The following SLC25A20 variants were observed in gnomAD, a reference collection of about 807,000 sequenced individuals.
The protein encoded by SLC25A20 is solute carrier family 25 member 20.
A neutral mutation model predicts 39.7 loss-of-function variants in SLC25A20; 29 were observed. The observed-to-expected ratio is 0.73, with a 90% confidence interval of 0.54 to 1.00. The LOEUF (loss-of-function observed/expected upper bound fraction) is 1.00, where lower values mean the gene tolerates loss of function less well. Ranked by LOEUF, SLC25A20 falls within the 50% of genes least tolerant of loss-of-function variation. The probability of loss-of-function intolerance (pLI) is 0.00; values close to 1 mark genes in which losing one functional copy is unlikely to be tolerated. For synonymous variants in SLC25A20, 103 were observed against 142.2 expected, an observed-to-expected ratio of 0.72 and a Z score of 1.96; for missense variants, 333 against 379.9, an observed-to-expected ratio of 0.88 and a Z score of 1.03.
At position 48,898,758 on chromosome 3, in the gene SLC25A20, T is replaced by C; in HGVS notation, c.37A>G (p.Asn13Asp). Residue 13 changes from asparagine (N) to aspartate (D), a missense_variant, in exon 1 of 9, where the codon AAC (asparagine) becomes GAC (aspartate). Transcript: ENST00000319017. ...DQPKPISPLK[N>D]LLAGGFGGVC... is the part of the protein sequence containing the mutation. ...CCGCCAAAGCCGCCGGCCAGCAGGT[T>C]CTTGAGCGGGCTGATGGGTTTTGGC... 5.0e-6 allele frequency: 8 copies of C among 1,604,872 alleles called. No homozygotes were observed. The highest frequency in any genetic ancestry group is 6.8e-6 in the Non-Finnish European group (8 of 1,176,180).
intron 2 of SLC25A20, among the ~76,000 whole-genome samples, chr3:48,889,231 T>A (rs754356062): frequency 5.9e-5 from 9 of 151,514 alleles, no homozygotes; most frequent in Admixed American, 2.6e-4. Context: ...TTGCCCAGGC[T>A]GGAGTGCAAT....
At chr3:48,873,054 T>C (rs1281513650) in intron 4 of SLC25A20, among the ~76,000 whole-genome samples, 3 of 151,116 alleles carry the variant, frequency 2.0e-5, no homozygotes, top group Non-Finnish European at 4.4e-5. Context: ...TAAAACCCTG[T>C]CTCTACTAAA....
intron 2 of SLC25A20, among the ~76,000 whole-genome samples, chr3:48,888,338 G>A (rs563888600): frequency 2.0e-5 from 3 of 151,876 alleles, no homozygotes; most frequent in Non-Finnish European, 2.9e-5. Context: ...TTGGGAGGCT[G>A]AGGCGGGCAG....
At chr3:48,859,289 C>A (rs575441673) in intron 6 of SLC25A20, 88 bp from the exon 7 acceptor site, 1 of 1,231,784 alleles carries the variant, frequency 8.1e-7, no homozygotes, top group African/African-American at 1.5e-5. Context: ...AGGGCAGTTA[C>A]AGACAGGCAG....
intron 2 of SLC25A20, among the ~76,000 whole-genome samples, chr3:48,885,467 C>G (rs1192785358): frequency 2.0e-5 from 3 of 152,050 alleles, no homozygotes; most frequent in Non-Finnish European, 4.4e-5. Flanking sequence ...GGGAAGCAGT[C>G]AGTCCACAGG....
At chr3:48,886,994 G>A (rs1255654107) in intron 2 of SLC25A20, among the ~76,000 whole-genome samples, 1 of 152,182 alleles carries the variant, frequency 6.6e-6, no homozygotes, top group Non-Finnish European at 1.5e-5. Context: ...TGGCACAACT[G>A]TACCTGTCAG....
chr3:48,870,466 C>CA (rs1559666341), intron 4 of SLC25A20, among the ~76,000 whole-genome samples: 1 of 151,068 alleles, frequency 6.6e-6, no homozygotes, highest in Non-Finnish European at 1.5e-5. Context: ...CACCATTTTA[C>CA]AAGGCAAACA....
In SLC25A20 at chr3:48,864,325, G is replaced by A. The variant is rs1407133824; in HGVS notation, c.418-1666C>T. 7.8e-5 allele frequency among the ~76,000 whole-genome samples: 11 copies of A among 141,426 alleles called. 1 individual carries two copies. Among genetic ancestry groups the A allele is most frequent in the African/African-American group, 2.7e-4 (10 of 37,644 alleles). The allele number at this position is 141,426 out of a possible 152,430, so 92.8% of individuals were successfully genotyped here. Reference sequence around the variant, plus strand: ...ATTGCACCACTGCACTCCAGCCTGGGTGACAGAGTAAGACTCTGTCTCAAA... The same window carrying A: ...ATTGCACCACTGCACTCCAGCCTGGATGACAGAGTAAGACTCTGTCTCAAA... On this transcript the variant is annotated intron_variant, in intron 4 of 8. Transcript: ENST00000319017.
intron 4 of SLC25A20, among the ~76,000 whole-genome samples, chr3:48,871,332 C>A (rs1553685443): frequency 6.8e-6 from 1 of 147,242 alleles, no homozygotes. Flanking sequence ...TTCTAGGAGG[C>A]TGGAACAATT....
At chr3:48,882,037 G>A (rs999556206) in intron 3 of SLC25A20, among the ~76,000 whole-genome samples, 2 of 152,176 alleles carry the variant, frequency 1.3e-5, no homozygotes, top group Non-Finnish European at 2.9e-5. Context: ...GGCGCCCTGG[G>A]CTTCCTCCCT....
At chr3:48,882,395 T>G (rs1301402406) in intron 3 of SLC25A20, among the ~76,000 whole-genome samples, 4 of 152,230 alleles carry the variant, frequency 2.6e-5, no homozygotes, top group South Asian at 4.1e-4. Flanking sequence ...AGTTGGAACC[T>G]TCTCTTCTCT....
At chr3:48,886,223 G>A (rs1374814208) in intron 2 of SLC25A20, among the ~76,000 whole-genome samples, 1 of 152,072 alleles carries the variant, frequency 6.6e-6, no homozygotes, top group Non-Finnish European at 1.5e-5. Context: ...ATATAAAAAT[G>A]TATAAAATAT....
chr3:48,877,408 C>A (rs571150086), intron 4 of SLC25A20, among the ~76,000 whole-genome samples: 1 of 148,016 alleles, frequency 6.8e-6, no homozygotes, highest in South Asian at 2.2e-4. Flanking sequence ...GCAACAAGAG[C>A]GAAATTCTAT....
chr3:48,861,070 G>T (rs1026364350), intron 5 of SLC25A20, among the ~76,000 whole-genome samples: 1 of 151,338 alleles, frequency 6.6e-6, no homozygotes, highest in Non-Finnish European at 1.5e-5. Context: ...CTCGTGATCC[G>T]CCCGCCTCGG....
chr3:48,881,505 T>C (rs544637234), intron 3 of SLC25A20, among the ~76,000 whole-genome samples: 1 of 152,182 alleles, frequency 6.6e-6, no homozygotes, highest in South Asian at 2.1e-4. Context: ...GGGAGGCATC[T>C]TTGAGAGCTA....
At chr3:48,881,232 GA>G (rs1194580995) in intron 3 of SLC25A20, among the ~76,000 whole-genome samples, 1 of 152,176 alleles carries the variant, frequency 6.6e-6, no homozygotes, top group African/African-American at 2.4e-5. Flanking sequence ...AAACAGTCAA[GA>G]GACTTGCTTT....
chr3:48,873,901 G>A (rs1367281579), intron 4 of SLC25A20, among the ~76,000 whole-genome samples: 1 of 149,528 alleles, frequency 6.7e-6, no homozygotes, highest in Non-Finnish European at 1.5e-5. Context: ...CCCGGGAGGC[G>A]GAGCTTGCAG....
At position 48,857,475 on chromosome 3, in the gene SLC25A20, A is replaced by G. The variant is rs1360442332; in HGVS notation, c.*235T>C. ...TGGAAGCTACTTGTTCCATTTCCAA[A>G]TCCTTTTAAGATCCCTTAAATTGAT... On this transcript the variant is annotated 3_prime_UTR_variant, in exon 9 of 9. Coordinates refer to ENST00000319017, the MANE Select transcript of SLC25A20 (RefSeq NM_000387.6). 16 of 546,536 alleles carry G rather than the reference A, an allele frequency of 2.9e-5. No homozygotes were observed. Among genetic ancestry groups the G allele is most frequent in the South Asian group, 1.4e-4 (7 of 48,960 alleles). 33.9% of individuals were successfully genotyped at this position (546,536 alleles called of 1,614,324 possible). A position where few individuals can be genotyped will look rare whatever the true frequency, so the allele number is the denominator to read the frequency against.
chr3:48,862,105 T>C (rs1198255433), intron 5 of SLC25A20, among the ~76,000 whole-genome samples: 1 of 152,220 alleles, frequency 6.6e-6, no homozygotes, highest in Non-Finnish European at 1.5e-5. Flanking sequence ...GCAAGTGACA[T>C]GCCCACAGTT....
Sources: gnomAD v4.1 joint callset for allele counts (sites outside exome capture counted in the v4.1 genomes callset) on GRCh38, gnomAD v4.1.1 for gene constraint, MANE v1.5 for transcripts, NCBI Gene and HGNC (gene_info 2026-07-23, HGNC 2026-07-21) for gene names.